TMEM117: variants seen among roughly 807,000 people sequenced by gnomAD.
TMEM117 encodes transmembrane protein 117.
Under a neutral mutation model 52.4 loss-of-function variants are expected in TMEM117, and 27 were observed. That is an observed-to-expected ratio of 0.51 (90% CI 0.38 to 0.71). The LOEUF is 0.71. Among genes scored for constraint, TMEM117 ranks in the 30% least tolerant of loss-of-function variants. The pLI, the probability that TMEM117 is intolerant of heterozygous loss-of-function variation, is 0.00. For synonymous variants in TMEM117, 215 were observed against 206.3 expected (o/e 1.04, Z -0.36); for missense variants, 556 against 630.5 (o/e 0.88, Z 1.26).
chr12:44,144,569 A>G (rs934647187), intron 4 of TMEM117, among the ~76,000 whole-genome samples: 3 of 152,128 alleles, frequency 2.0e-5, no homozygotes, highest in African/African-American at 7.2e-5. Context: ...TGCCATTTCT[A>G]TTGATTGCTT....
chr12:44,393,418 T>C (rs543478558), downstream of TMEM117, among the ~76,000 whole-genome samples: 2 of 145,382 alleles, frequency 1.4e-5, no homozygotes, highest in South Asian at 4.3e-4. Flanking sequence ...ATTTTCTATG[T>C]GAAAATAAAT....
intron 4 of TMEM117, among the ~76,000 whole-genome samples, chr12:44,184,821 A>C (rs549366797): frequency 7.2e-5 from 11 of 152,188 alleles, no homozygotes; most frequent in Admixed American, 5.2e-4. Context: ...TAGAAAATGC[A>C]TGTTGTTTTA....
chr12:44,376,336 A>G (rs1292775050), intron 6 of TMEM117: 2 of 464,552 alleles, frequency 4.3e-6, no homozygotes, highest in African/African-American at 4.0e-5. Flanking sequence ...TGTAGATGCA[A>G]ATCAATTCTG....
chr12:44,086,822 G>A (rs993127036), intron 3 of TMEM117, among the ~76,000 whole-genome samples: 2 of 151,862 alleles, frequency 1.3e-5, no homozygotes, highest in African/African-American at 4.8e-5. Flanking sequence ...AATACTTATG[G>A]CTTATATTAC....
rs528423997 is a variant in TMEM117 at position 43,909,275 on chromosome 12, A to G, written c.278-34935A>G. Among the ~76,000 whole-genome samples, 1,195 of 53,204 alleles carry G rather than the reference A, an allele frequency of 0.022. 497 individuals are homozygous for G. The East Asian group carries it at 0.28, about 12-fold the overall frequency. The allele number at this position is 53,204 out of a possible 152,430, so 34.9% of individuals were successfully genotyped here. A position where few individuals can be genotyped will look rare whatever the true frequency, so the allele number is the denominator to read the frequency against. ...GGGTACATAACGAAATGAAGGCAGA[A>G]ATAAAGATGTTCTTTGAAACCAACA... On this transcript the variant is annotated intron_variant, in intron 2 of 7. Coordinates refer to ENST00000266534, the MANE Select transcript of TMEM117 (RefSeq NM_032256.3).
chr12:43,989,596 G>A (rs1351560875), intron 3 of TMEM117, among the ~76,000 whole-genome samples: 1 of 151,902 alleles, frequency 6.6e-6, no homozygotes, highest in African/African-American at 2.4e-5. Context: ...ATCAGAGATC[G>A]ATGACCTCTT....
chr12:44,309,402 A>G (rs948362989), intron 6 of TMEM117, among the ~76,000 whole-genome samples: 2 of 152,178 alleles, frequency 1.3e-5, no homozygotes, highest in Non-Finnish European at 2.9e-5. Context: ...ATGTTGTCCA[A>G]GAGGCTCAGT....
At chr12:44,107,285 G>T (rs1489915521) in intron 3 of TMEM117, among the ~76,000 whole-genome samples, 1 of 152,052 alleles carries the variant, frequency 6.6e-6, no homozygotes, top group Admixed American at 6.6e-5. Context: ...TGGCTCCAGG[G>T]CTCACAGTGT....
At chr12:43,883,560 A>C (rs985778216) in intron 2 of TMEM117, among the ~76,000 whole-genome samples, 3 of 152,222 alleles carry the variant, frequency 2.0e-5, no homozygotes, top group Admixed American at 6.5e-5. Context: ...ATTGCCTTTC[A>C]GGCTGATGTA....
chr12:44,365,136 T>C (rs1313644547), intron 6 of TMEM117, among the ~76,000 whole-genome samples: 1 of 152,026 alleles, frequency 6.6e-6, no homozygotes, highest in Non-Finnish European at 1.5e-5. Context: ...AATTCTAAGA[T>C]GGCCATAAAC....
chr12:43,818,629 C>G, the TMEM117 span, among the ~76,000 whole-genome samples: 1 of 152,018 alleles, frequency 6.6e-6, no homozygotes, highest in Non-Finnish European at 1.5e-5. Flanking sequence ...TTAGTAGAGA[C>G]GGGGTTTCAC....
the TMEM117 span, among the ~76,000 whole-genome samples, chr12:43,799,784 T>TA: frequency 6.6e-6 from 1 of 152,096 alleles, no homozygotes; most frequent in South Asian, 2.1e-4. Flanking sequence ...GGTCATCCTG[T>TA]AAGTCTATAG....
intron 2 of TMEM117, among the ~76,000 whole-genome samples, chr12:43,910,665 A>G (rs1316874798): frequency 1.4e-5 from 2 of 148,048 alleles, no homozygotes; most frequent in African/African-American, 2.5e-5. Flanking sequence ...TACAAAATCA[A>G]TGTACAAAAA....
chr12:44,398,494 G>C, the TMEM117 span, among the ~76,000 whole-genome samples: 3 of 152,152 alleles, frequency 2.0e-5, no homozygotes, highest in Admixed American at 1.3e-4. Context: ...AAATGGTCTC[G>C]GGTTTTGGGC....
At chr12:44,243,819 C>T (rs1486384713) in intron 5 of TMEM117, among the ~76,000 whole-genome samples, 1 of 151,122 alleles carries the variant, frequency 6.6e-6, no homozygotes, top group Non-Finnish European at 1.5e-5. Flanking sequence ...ATCTTCTACT[C>T]TCTACTTCTA....
Position 44,086,859 on chromosome 12 carries a change from T to C in TMEM117, c.411-56666T>C, listed in dbSNP as rs1947576673. Among the ~76,000 whole-genome samples, 3 of 151,704 alleles carry C rather than the reference T, an allele frequency of 2.0e-5. No individual in the cohort carries two copies. In the South Asian group the frequency reaches 6.2e-4, roughly 31 times the overall value. Reference sequence around the variant, plus strand: ...ACAACCAGGGTGACTTCCCTTGGTCTTGTTTCCATCGGACAGCAAATGTGA... The same window carrying C: ...ACAACCAGGGTGACTTCCCTTGGTCCTGTTTCCATCGGACAGCAAATGTGA... On this transcript the variant is annotated intron_variant, in intron 3 of 7. Transcript: ENST00000266534.
intron 5 of TMEM117, among the ~76,000 whole-genome samples, chr12:44,241,174 T>G (rs2138481248): frequency 6.6e-6 from 1 of 152,098 alleles, no homozygotes; most frequent in Non-Finnish European, 1.5e-5. Context: ...TAAGCAGTTG[T>G]TATACTTTAT....
chr12:43,951,447 T>G (rs1414827698), intron 3 of TMEM117, among the ~76,000 whole-genome samples: 1 of 152,134 alleles, frequency 6.6e-6, no homozygotes, highest in Non-Finnish European at 1.5e-5. Flanking sequence ...GATGATCAAG[T>G]TGCCAGGGGG....
chr12:44,253,850 AC>A (rs1950223776), intron 5 of TMEM117, among the ~76,000 whole-genome samples: 2 of 151,366 alleles, frequency 1.3e-5, no homozygotes, highest in Non-Finnish European at 3.0e-5. Context: ...ACACACACAC[AC>A]ACACACACAC....
Sources: gnomAD v4.1 joint callset for allele counts (sites outside exome capture counted in the v4.1 genomes callset) on GRCh38, gnomAD v4.1.1 for gene constraint, MANE v1.5 for transcripts, NCBI Gene and HGNC (gene_info 2026-07-23, HGNC 2026-07-21) for gene names.